The following GRIA3 variants were observed in gnomAD, a reference collection of about 807,000 sequenced individuals.
The protein encoded by GRIA3 is glutamate ionotropic receptor AMPA type subunit 3.
A neutral mutation model predicts 63.0 loss-of-function variants in GRIA3; 3 were observed. The ratio of observed to expected loss-of-function variants is 0.05; its 90% CI spans 0.02 to 0.12. GRIA3 has a LOEUF of 0.12. Ranked by LOEUF, GRIA3 falls within the 10% of genes least tolerant of loss-of-function variation. The pLI is 1.00. For missense variants in GRIA3, 347 were observed against 700.9 expected, an observed-to-expected ratio of 0.50 and a Z score of 5.70; for synonymous variants, 274 against 257.9, an observed-to-expected ratio of 1.06 and a Z score of -0.60.
chrX:123,435,005 C>G, intron 12 of GRIA3, among the ~76,000 whole-genome samples: 1 of 112,339 alleles, frequency 8.9e-6, no homozygotes, highest in South Asian at 3.7e-4. Flanking sequence ...GACGATCATA[C>G]ATCTTATAAA....
intron 3 of GRIA3, among the ~76,000 whole-genome samples, chrX:123,322,697 C>A (rs993992009): frequency 4.5e-5 from 5 of 111,345 alleles, no homozygotes; most frequent in African/African-American, 1.3e-4. Context: ...AGGTACGGAG[C>A]TGAGGTGACC....
At chrX:123,432,426 T>C (rs1402010144) in intron 12 of GRIA3, among the ~76,000 whole-genome samples, 1 of 112,478 alleles carries the variant, frequency 8.9e-6, no homozygotes, top group Middle Eastern at 4.2e-3. Context: ...TTTCTCTTTC[T>C]CATTTGCTGA....
intron 5 of GRIA3, among the ~76,000 whole-genome samples, chrX:123,360,122 A>T (rs987702010): frequency 3.7e-4 from 41 of 111,539 alleles, no homozygotes; most frequent in African/African-American, 1.2e-3. Flanking sequence ...ACATATCAGA[A>T]AATGGACTCA....
In GRIA3 at chrX:123,391,659, G is replaced by A. The variant is rs182309308; in HGVS notation, c.751-3309G>A. 9.9e-3 allele frequency among the ~76,000 whole-genome samples: 1,112 copies of A among 111,943 alleles called. 5 individuals are homozygous for A. Among genetic ancestry groups the A allele is most frequent in the Non-Finnish European group, 0.014 (737 of 53,147 alleles). On this transcript the variant is annotated intron_variant, in intron 5 of 15. Coordinates refer to ENST00000620443, the MANE Select transcript of GRIA3 (RefSeq NM_007325.5). ...GGCAGCTTGCTCAGATGCCAGCAGC[G>A]GCAGTGGTGGGCCGGATGGGTGGGT... is the stretch of plus-strand genomic sequence containing the variant.
intron 12 of GRIA3, among the ~76,000 whole-genome samples, chrX:123,462,611 G>A (rs768828064): frequency 9.0e-6 from 1 of 111,686 alleles, no homozygotes; most frequent in African/African-American, 3.3e-5. Flanking sequence ...GAAGGTGGGA[G>A]GATTGCTTGA....
intron 12 of GRIA3, among the ~76,000 whole-genome samples, chrX:123,455,210 T>C (rs866068340): frequency 3.6e-5 from 4 of 111,929 alleles, no homozygotes; most frequent in African/African-American, 6.5e-5. Flanking sequence ...TTTCTTTCCC[T>C]TCCTTTCCCC....
intron 2 of GRIA3, among the ~76,000 whole-genome samples, chrX:123,234,385 G>T (rs936109397): frequency 4.5e-5 from 5 of 111,889 alleles, no homozygotes; most frequent in African/African-American, 1.3e-4. Context: ...GAAAAGATTT[G>T]TACTTTCTCT....
chrX:123,367,224 C>T (rs975926291), intron 5 of GRIA3, among the ~76,000 whole-genome samples: 1 of 111,342 alleles, frequency 9.0e-6, no homozygotes, highest in Admixed American at 9.5e-5. Context: ...ACAAAAGGAA[C>T]CATTGTTTCT....
chrX:123,403,651 T>G (rs2045455276), intron 9 of GRIA3, 132 bp downstream of exon 9: 3 of 528,942 alleles, frequency 5.7e-6, no homozygotes, highest in East Asian at 7.0e-5. Flanking sequence ...CTCAGGAAAC[T>G]CTCAAAGTAT....
intron 3 of GRIA3, among the ~76,000 whole-genome samples, chrX:123,297,168 T>C (rs766855063): frequency 9.0e-6 from 1 of 111,073 alleles, no homozygotes; most frequent in South Asian, 3.8e-4. Flanking sequence ...GGAATCAGAA[T>C]CCACATTTAC....
At chrX:123,395,532 A>T (rs2045408542) in intron 6 of GRIA3, among the ~76,000 whole-genome samples, 2 of 112,127 alleles carry the variant, frequency 1.8e-5, no homozygotes, top group South Asian at 7.5e-4. Context: ...AATAAGTTCC[A>T]TGAATCTCAG....
chrX:123,295,580 T>C (rs2044680829), intron 3 of GRIA3, among the ~76,000 whole-genome samples: 1 of 110,983 alleles, frequency 9.0e-6, no homozygotes, highest in Non-Finnish European at 1.9e-5. Context: ...TGTTCTGAGT[T>C]ATGGTCACCC....
chrX:123,372,802 C>A (rs963227154), intron 5 of GRIA3, among the ~76,000 whole-genome samples: 1 of 111,044 alleles, frequency 9.0e-6, no homozygotes, highest in Non-Finnish European at 1.9e-5. Context: ...AATATAAGAT[C>A]ATATCATCTA....
At chrX:123,352,650 TC>T (rs1274789871) in intron 4 of GRIA3, among the ~76,000 whole-genome samples, 1 of 111,840 alleles carries the variant, frequency 8.9e-6, no homozygotes, top group Non-Finnish European at 1.9e-5. Context: ...TGGGATTCCT[TC>T]CTTATTCCCC....
At chrX:123,202,768 C>T (rs1353375330) in intron 2 of GRIA3, 12 of 1,163,609 alleles carry the variant, frequency 1.0e-5, no homozygotes. Context: ...CAAAACTGGG[C>T]CTATTGTATC....
intron 12 of GRIA3, among the ~76,000 whole-genome samples, chrX:123,464,161 G>A (rs761269310): frequency 6.3e-5 from 7 of 110,778 alleles, no homozygotes; most frequent in Non-Finnish European, 1.3e-4. Context: ...ATTTTACATA[G>A]CTCTAGGGGA....
chrX:123,208,886 C>T (rs1927965838), intron 2 of GRIA3, among the ~76,000 whole-genome samples: 1 of 112,261 alleles, frequency 8.9e-6, no homozygotes, highest in Non-Finnish European at 1.9e-5. Context: ...GCATATTTAA[C>T]AGAGGGACTT....
At position 123,485,851 on chromosome X, in the gene GRIA3, A is replaced by G. The variant is rs2045937318; in HGVS notation, c.*2+2805A>G. 5.4e-5 allele frequency among the ~76,000 whole-genome samples: 6 copies of G among 111,124 alleles called. No homozygotes were observed. In the Admixed American group the frequency reaches 5.8e-4, roughly 11 times the overall value. ...TCAAACATTAGTGTGCATGCAACTC[A>G]TGTGGGAACCTTCTAAAAATATAGA... On this transcript the variant is annotated intron_variant, in intron 15 of 15. Coordinates refer to ENST00000620443, the MANE Select transcript of GRIA3 (RefSeq NM_007325.5).
At chrX:123,389,629 C>T (rs1387598660) in intron 5 of GRIA3, among the ~76,000 whole-genome samples, 1 of 111,392 alleles carries the variant, frequency 9.0e-6, no homozygotes, top group East Asian at 2.8e-4. Flanking sequence ...TTCTTGTAGG[C>T]AGCATATAGC....
Sources: gnomAD v4.1 joint callset for allele counts (sites outside exome capture counted in the v4.1 genomes callset) on GRCh38, gnomAD v4.1.1 for gene constraint, MANE v1.5 for transcripts, NCBI Gene and HGNC (gene_info 2026-07-23, HGNC 2026-07-21) for gene names.